RBM47: variants seen among roughly 807,000 people sequenced by gnomAD.
RBM47 encodes RNA-binding protein 47.
A neutral mutation model predicts 47.1 loss-of-function variants in RBM47; 21 were observed. The ratio of observed to expected loss-of-function variants is 0.45; its 90% CI spans 0.32 to 0.64. The LOEUF (loss-of-function observed/expected upper bound fraction) is 0.64. Among genes scored for constraint, RBM47 ranks in the 30% least tolerant of loss-of-function variants. RBM47 has a pLI of 0.05. For synonymous variants in RBM47, 375 were observed against 361.7 expected, an observed-to-expected ratio of 1.04 and a Z score of -0.42; for missense variants, 708 against 870.9, an observed-to-expected ratio of 0.81 and a Z score of 2.35.
In RBM47 at chr4:40,601,554, T is replaced by A. The variant is rs372932901; in HGVS notation, c.-240+27842A>T. Among the ~76,000 whole-genome samples the A allele has an allele frequency of 2.0e-5, 3 of 152,178 alleles. No individual in the cohort carries two copies. The East Asian group carries it at 5.8e-4, about 29-fold the overall frequency. On this transcript the variant is annotated intron_variant, in intron 1 of 6. Transcript: ENST00000295971. ...GCATTCTCTTTTTGTTAGCTTGAGG[T>A]TAATTTGTACTTAAGAGCCTTAATT...
Position 40,432,952 on chromosome 4 carries a change from ATTTTTT to A in RBM47, c.1331-96_1331-91del, listed in dbSNP as rs1221190981. ...TTGCTCTAAGATATTTTTTATTTTT[ATTTTTT>A]TAAAAACTTTTCTTTTTTTTGAGAC... On this transcript the variant is annotated intron_variant, in intron 5 of 6. Coordinates refer to ENST00000295971, the MANE Select transcript of RBM47 (RefSeq NM_001098634.2). 3 of 1,490,076 alleles carry A rather than the reference ATTTTTT, an allele frequency of 2.0e-6. No individual in the cohort carries two copies. The South Asian group carries it at 4.1e-5, about 20-fold the overall frequency. 92.3% of individuals were successfully genotyped at this position (1,490,076 alleles called of 1,614,324 possible).
At chr4:40,464,221 T>C (rs1216763913) in intron 3 of RBM47, among the ~76,000 whole-genome samples, 2 of 152,234 alleles carry the variant, frequency 1.3e-5, no homozygotes, top group Non-Finnish European at 1.5e-5. Context: ...TCAGCTATTT[T>C]AACTTTGCTA....
In RBM47 at chr4:40,469,584, T is replaced by C. The variant is rs533383120; in HGVS notation, c.-154-2885A>G. Among the ~76,000 whole-genome samples, 3 of 151,834 alleles carry C rather than the reference T, an allele frequency of 2.0e-5. No homozygotes were observed. In the East Asian group the frequency reaches 5.9e-4, roughly 30 times the overall value. Reference sequence around the variant, plus strand: ...GAGTAGCTGGGACTACAGGTGTGCGTCACCATGCCTGGCTAATTTTGGGAG... The same window carrying C: ...GAGTAGCTGGGACTACAGGTGTGCGCCACCATGCCTGGCTAATTTTGGGAG... On this transcript the variant is annotated intron_variant, in intron 2 of 6. Transcript: ENST00000295971.
At chr4:40,520,306 T>C (rs1418254225) in intron 2 of RBM47, among the ~76,000 whole-genome samples, 3 of 152,182 alleles carry the variant, frequency 2.0e-5, no homozygotes, top group African/African-American at 7.2e-5. Flanking sequence ...ATTTTCCACC[T>C]CCAGCCATGT....
chr4:40,518,167 T>C (rs1401147944), intron 2 of RBM47, among the ~76,000 whole-genome samples: 39 of 124,704 alleles, frequency 3.1e-4, no homozygotes, highest in African/African-American at 7.5e-4. Context: ...TCTTTTTTTT[T>C]TTTTTTTTTT....
intron 2 of RBM47, among the ~76,000 whole-genome samples, chr4:40,520,772 G>A (rs1037787403): frequency 5.9e-5 from 9 of 152,164 alleles, no homozygotes; most frequent in Non-Finnish European, 1.2e-4. Context: ...AAAGGGCCCA[G>A]GGGCTCTTGG....
intron 1 of RBM47, among the ~76,000 whole-genome samples, chr4:40,580,857 C>G (rs528883680): frequency 7.9e-5 from 12 of 152,346 alleles, no homozygotes; most frequent in African/African-American, 2.9e-4. Flanking sequence ...AGAGAGAAGG[C>G]CACTCTGATA....
At chr4:40,557,929 T>C (rs955943603) in intron 1 of RBM47, among the ~76,000 whole-genome samples, 1 of 152,234 alleles carries the variant, frequency 6.6e-6, no homozygotes, top group Non-Finnish European at 1.5e-5. Flanking sequence ...GTTATCTTTA[T>C]AGTTGTGGAT....
At chr4:40,459,081 A>G (rs1212620147) in intron 3 of RBM47, among the ~76,000 whole-genome samples, 1 of 152,224 alleles carries the variant, frequency 6.6e-6, no homozygotes, top group Non-Finnish European at 1.5e-5. Flanking sequence ...TTCGCCTTCT[A>G]TTATGAAGTG....
In RBM47 at chr4:40,499,244, CA is replaced by C. The variant is rs1307011539; in HGVS notation, c.-154-32546del. Among the ~76,000 whole-genome samples, 3 of 152,070 alleles carry C rather than the reference CA, an allele frequency of 2.0e-5. No homozygotes were observed. The East Asian group carries it at 5.8e-4, about 29-fold the overall frequency. ...TTAGTACATACTTACATGAAGACTGCAAAACTCAGAGGGCTAGTCAAAGTTC... is the reference window on the plus strand; with the variant it reads ...TTAGTACATACTTACATGAAGACTGCAAACTCAGAGGGCTAGTCAAAGTTC... On this transcript the variant is annotated intron_variant, in intron 2 of 6. Coordinates refer to ENST00000295971, the MANE Select transcript of RBM47 (RefSeq NM_001098634.2).
chr4:40,486,623 C>G (rs961676776), intron 2 of RBM47, among the ~76,000 whole-genome samples: 1 of 152,082 alleles, frequency 6.6e-6, no homozygotes, highest in African/African-American at 2.4e-5. Context: ...TATGGTGAAA[C>G]CCCATCACAG....
intron 1 of RBM47, among the ~76,000 whole-genome samples, chr4:40,605,585 C>G (rs141229566): frequency 6.6e-6 from 1 of 152,026 alleles, no homozygotes; most frequent in East Asian, 2.0e-4. Flanking sequence ...AATCTTAGCA[C>G]TTTGAGAGGC....
intron 2 of RBM47, chr4:40,542,579 C>T (rs1728656134): frequency 6.6e-6 from 1 of 152,324 alleles, no homozygotes; most frequent in Non-Finnish European, 1.5e-5. Context: ...AATCTTGGCT[C>T]ACTGTAGCCT....
At chr4:40,596,146 T>G (rs942942170) in intron 1 of RBM47, among the ~76,000 whole-genome samples, 1 of 152,216 alleles carries the variant, frequency 6.6e-6, no homozygotes, top group Non-Finnish European at 1.5e-5. Context: ...TGACTATCCT[T>G]GGAGCTGTTC....
At chr4:40,581,287 T>C (rs1732882518) in intron 1 of RBM47, among the ~76,000 whole-genome samples, 3 of 151,976 alleles carry the variant, frequency 2.0e-5, no homozygotes, top group South Asian at 4.2e-4. Flanking sequence ...CTGAGCATGG[T>C]GACATGCGCC....
chr4:40,494,303 C>A (rs1428711045), intron 2 of RBM47, among the ~76,000 whole-genome samples: 3 of 152,150 alleles, frequency 2.0e-5, no homozygotes, highest in Non-Finnish European at 2.9e-5. Context: ...TAACATGAGT[C>A]CCTTCTGATC....
intron 1 of RBM47, among the ~76,000 whole-genome samples, chr4:40,548,454 A>G (rs746383302): frequency 6.6e-6 from 1 of 152,248 alleles, no homozygotes; most frequent in African/African-American, 2.4e-5. Context: ...CCAGAACTGC[A>G]TGTTAGAAGG....
At chr4:40,581,157 C>G (rs752020524) in intron 1 of RBM47, among the ~76,000 whole-genome samples, 1 of 152,114 alleles carries the variant, frequency 6.6e-6, no homozygotes, top group African/African-American at 2.4e-5. Context: ...CACGGTGGCT[C>G]AGGCCTATAA....
At chr4:40,574,852 A>C (rs1446730893) in intron 1 of RBM47, among the ~76,000 whole-genome samples, 1 of 152,220 alleles carries the variant, frequency 6.6e-6, no homozygotes, top group Non-Finnish European at 1.5e-5. Context: ...TCTGTATCAA[A>C]GAAGAAAGAA....
Sources: gnomAD v4.1 joint callset for allele counts (sites outside exome capture counted in the v4.1 genomes callset) on GRCh38, gnomAD v4.1.1 for gene constraint, MANE v1.5 for transcripts, NCBI Gene and HGNC (gene_info 2026-07-23, HGNC 2026-07-21) for gene names.